LMO3: variants seen among roughly 807,000 people sequenced by gnomAD.
LMO3 encodes the protein LIM domain only 3, also known as LIM domain only protein 3.
A neutral mutation model predicts 15.8 loss-of-function variants in LMO3; 2 were observed. The ratio of observed to expected loss-of-function variants is 0.13; its 90% CI spans 0.05 to 0.40. The LOEUF is 0.40. Among genes scored for constraint, LMO3 ranks in the 10% least tolerant of loss-of-function variants. LMO3 has a pLI of 0.99. For missense variants in LMO3, 86 were observed against 182.2 expected (o/e 0.47, Z 3.04); for synonymous variants, 62 against 63.8 (o/e 0.97, Z 0.13).
At position 16,606,138 on chromosome 12, in the gene LMO3, G is replaced by T; in HGVS notation, c.-81C>A. On this transcript the variant is annotated 5_prime_UTR_variant, in exon 1 of 4. Transcript: ENST00000537304. ...GCTGCTTTGTAGCGCTTCTCCTTGG[G>T]AAAGGTCAAAAAGAAGCATTGTTTG... The T allele has an allele frequency of 1.8e-5, 4 of 227,270 alleles. No homozygotes were observed. The highest frequency in any genetic ancestry group is 8.5e-5 in the East Asian group (1 of 11,764). The allele number at this position is 227,270 out of a possible 1,614,324, so 14.1% of individuals were successfully genotyped here. A position where few individuals can be genotyped will look rare whatever the true frequency, so the allele number is the denominator to read the frequency against.
chr12:16,586,024 G>A lies in LMO3; in HGVS notation c.206+14631C>T, dbSNP rs907555717. Among the ~76,000 whole-genome samples the A allele has an allele frequency of 1.8e-4, 27 of 152,106 alleles. No homozygotes were observed. Among genetic ancestry groups the A allele is most frequent in the African/African-American group, 6.3e-4 (26 of 41,418 alleles). On this transcript the variant is annotated intron_variant, in intron 2 of 3. Transcript: ENST00000537304. This position sits in a 1 kb window ranked among gnomAD's most constrained non-coding sequence, Gnocchi z 4.3. The stretch of plus-strand genomic sequence containing the variant: ...TCCTTAGGACACTGATGTTTTTGCA[G>A]CTGTTAATGAAAATCTTCAACACAG...
chr12:16,551,244 C>T lies in LMO3; in HGVS notation c.416G>A (p.Gly139Asp). Reference protein sequence around the residue: ...TDYEEGLMKEGYAPQVR With the variant: ...TDYEEGLMKEDYAPQVR The stretch of plus-strand genomic sequence containing the variant: ...AGATCAGCGAACCTGGGGTGCATAA[C>T]CTTCTTTCATTAAACCTTCCTCGTA... The change falls in exon 4 of 4, where the codon GGT (glycine) becomes GAT (aspartate). Residue 139 changes from glycine (G) to aspartate (D), a missense_variant. This residue lies in a region of LMO3 where 19 missense variants were observed against 20.0 expected (regional missense o/e 0.95). Coordinates refer to ENST00000537304, the MANE Select transcript of LMO3 (RefSeq NM_018640.5). 6.2e-7 allele frequency: 1 copy of T among 1,611,182 alleles called. No homozygotes were observed. The highest frequency in any genetic ancestry group is 8.5e-7 in the Non-Finnish European group (1 of 1,177,402).
Position 16,589,935 on chromosome 12 carries a change from T to C in LMO3, c.206+10720A>G, listed in dbSNP as rs1401932247. On this transcript the variant is annotated intron_variant, in intron 2 of 3. Transcript: ENST00000537304. The surrounding 1 kb of genome is among the most constrained non-coding windows in gnomAD (Gnocchi z 4.2). ...CGTCTAGCTTTCTGGGAAGTATGTG[T>C]TGGATTTTTTTGTGCATGAAGTATA... Among the ~76,000 whole-genome samples, 2 of 152,038 alleles carry C rather than the reference T, an allele frequency of 1.3e-5. No individual in the cohort carries two copies. Among genetic ancestry groups the C allele is most frequent in the Non-Finnish European group, 2.9e-5 (2 of 68,002 alleles).
Position 16,585,516 on chromosome 12 carries a change from A to C in LMO3, c.206+15139T>G, listed in dbSNP as rs1943291520. On this transcript the variant is annotated intron_variant, in intron 2 of 3. Coordinates refer to ENST00000537304, the MANE Select transcript of LMO3 (RefSeq NM_018640.5). This position sits in a 1 kb window ranked among gnomAD's most constrained non-coding sequence, Gnocchi z 4.7. ...TTCACCTAATTTTACATATAATTGC[A>C]GATTAGAAAACTAATTTCATCACAA... Among the ~76,000 whole-genome samples, 1 of 152,214 alleles carries C rather than the reference A, an allele frequency of 6.6e-6. No homozygotes were observed. Among genetic ancestry groups the C allele is most frequent in the South Asian group, 2.1e-4 (1 of 4,832 alleles).
intron 3 of LMO3, among the ~76,000 whole-genome samples, chr12:16,554,957 CGGCCAG>C: frequency 6.6e-6 from 1 of 152,320 alleles, no homozygotes; most frequent in South Asian, 2.1e-4. Context: ...CCACCGCGCC[CGGCCAG>C]GTTTAAATCT....
chr12:16,606,216 AT>A (rs1943996856), upstream of LMO3: 1 of 191,622 alleles, frequency 5.2e-6, no homozygotes, highest in African/African-American at 2.4e-5. Context: ...TAAGTTTAAA[AT>A]AATGAGGTCC....
At position 16,584,020 on chromosome 12, in the gene LMO3, T is replaced by G. The variant is rs967988086; in HGVS notation, c.206+16635A>C. On this transcript the variant is annotated intron_variant, in intron 2 of 3. Transcript: ENST00000537304. The surrounding 1 kb of genome is among the most constrained non-coding windows in gnomAD (Gnocchi z 5.2). ...ATACTTTTCCATAAGGAAAAGACAC[T>G]GTATATAATTCTGGGATGGCAGGCT... Among the ~76,000 whole-genome samples, 3 of 152,178 alleles carry G rather than the reference T, an allele frequency of 2.0e-5. No homozygotes were observed. The East Asian group carries it at 5.8e-4, about 29-fold the overall frequency.
At position 16,567,068 on chromosome 12, in the gene LMO3, C is replaced by A. The variant is rs986636038; in HGVS notation, c.207-6530G>T. ...AAAATTAGCTGGGTGTGTTGGCAGG[C>A]GCCTGTATTTCCAGCTACTCAGGAG... On this transcript the variant is annotated intron_variant, in intron 2 of 3. Transcript: ENST00000537304. 2.6e-5 allele frequency among the ~76,000 whole-genome samples: 4 copies of A among 152,170 alleles called. No homozygotes were observed. In the East Asian group the frequency reaches 7.7e-4, roughly 29 times the overall value.
In LMO3 at chr12:16,600,741, A is replaced by G. The variant is rs762252359; in HGVS notation, c.120T>C (p.Cys40=). Residue 40 remains cysteine, a synonymous_variant, in exon 2 of 4, where the codon TGT becomes TGC. Coordinates refer to ENST00000537304, the MANE Select transcript of LMO3 (RefSeq NM_018640.5). The part of the protein sequence containing the change: ...DKYWHEDCLK[C]ACCDCRLGEV... ...CTCCCAAGCGACAGTCACAGCAGGC[A>G]CACTTCAGGCAGTCTTCATGCCAGT... The G allele has an allele frequency of 6.2e-7, 1 of 1,614,194 alleles. No individual in the cohort carries two copies. Among genetic ancestry groups the G allele is most frequent in the East Asian group, 2.2e-5 (1 of 44,878 alleles).
At position 16,582,015 on chromosome 12, in the gene LMO3, A is replaced by T. The variant is rs1430825820; in HGVS notation, c.206+18640T>A. Among the ~76,000 whole-genome samples, 1 of 152,076 alleles carries T rather than the reference A, an allele frequency of 6.6e-6. No individual in the cohort carries two copies. The highest frequency in any genetic ancestry group is 6.6e-5 in the Admixed American group (1 of 15,264). On this transcript the variant is annotated intron_variant, in intron 2 of 3. Transcript: ENST00000537304. This position sits in a 1 kb window ranked among gnomAD's most constrained non-coding sequence, Gnocchi z 4.1. ...TTTCTTATCTTATTACATTGGCTAG[A>T]CCCTTTAAAACATTAAATATGAGGG...
At chr12:16,556,497 T>C (rs947799629) in intron 3 of LMO3, among the ~76,000 whole-genome samples, 15 of 152,340 alleles carry the variant, frequency 9.8e-5, no homozygotes, top group African/African-American at 3.1e-4. Context: ...TGGATCTTAA[T>C]GATACTTTGA....
chr12:16,554,981 A>T (rs899827686), intron 3 of LMO3, among the ~76,000 whole-genome samples: 28 of 152,174 alleles, frequency 1.8e-4, no homozygotes, highest in African/African-American at 6.3e-4. Context: ...TCTTGAGTCT[A>T]CCACTTTCTT....
intron 2 of LMO3, among the ~76,000 whole-genome samples, chr12:16,578,739 A>G (rs1200076547): frequency 6.6e-6 from 1 of 151,872 alleles, no homozygotes; most frequent in Non-Finnish European, 1.5e-5. Flanking sequence ...AATTCCTTGA[A>G]CCTGGGAGGC....
At position 16,550,041 on chromosome 12, in the gene LMO3, A is replaced by G. The variant is rs534121732; in HGVS notation, c.*1181T>C. ...AAATGTCAGGTAAATACAGAAAAAT[A>G]TATAATCACTAGTTCTCAGCATTTT... On this transcript the variant is annotated 3_prime_UTR_variant, in exon 4 of 4. Coordinates refer to ENST00000537304, the MANE Select transcript of LMO3 (RefSeq NM_018640.5). 32 of 152,158 alleles carry G rather than the reference A, an allele frequency of 2.1e-4. No homozygotes were observed. Among genetic ancestry groups the G allele is most frequent in the Admixed American group, 5.2e-4 (8 of 15,284 alleles). The allele number at this position is 152,158 out of a possible 1,614,324, so 9.4% of individuals were successfully genotyped here. A position where few individuals can be genotyped will look rare whatever the true frequency, so the allele number is the denominator to read the frequency against.
intron 2 of LMO3, chr12:16,594,022 T>G (rs1335660575): frequency 1.2e-6 from 1 of 838,300 alleles, no homozygotes; most frequent in Non-Finnish European, 1.7e-6. Flanking sequence ...TTATAAAAGT[T>G]GTCCTACATG....
intron 1 of LMO3, among the ~76,000 whole-genome samples, chr12:16,601,205 G>A (rs1178839965): frequency 1.3e-5 from 2 of 152,266 alleles, no homozygotes; most frequent in Non-Finnish European, 1.5e-5. Context: ...GAAAGAAAAT[G>A]TGAGTAAATA....
chr12:16,578,829 AC>A (rs2137516613), intron 2 of LMO3, among the ~76,000 whole-genome samples: 1 of 137,710 alleles, frequency 7.3e-6, no homozygotes, highest in East Asian at 1.9e-4. Context: ...AACAACAACA[AC>A]AACAACAACA....
At chr12:16,573,045 T>C (rs933827149) in intron 2 of LMO3, among the ~76,000 whole-genome samples, 2 of 152,038 alleles carry the variant, frequency 1.3e-5, no homozygotes, top group African/African-American at 4.8e-5. Flanking sequence ...TGTGTTTCTC[T>C]ATCCAGATAC....
chr12:16,600,942 A>G lies in LMO3; in HGVS notation c.-8-74T>C, dbSNP rs1402638355. The G allele has an allele frequency of 1.2e-5, 13 of 1,067,448 alleles. No individual in the cohort carries two copies. In the Admixed American group the frequency reaches 2.3e-4, roughly 19 times the overall value. The allele number at this position is 1,067,448 out of a possible 1,614,324, so 66.1% of individuals were successfully genotyped here. A position where few individuals can be genotyped will look rare whatever the true frequency, so the allele number is the denominator to read the frequency against. On this transcript the variant is annotated intron_variant, in intron 1 of 3. Transcript: ENST00000537304. The stretch of plus-strand genomic sequence containing the variant: ...TAAAAAGACCTCAAACAAGTTAAAT[A>G]TTTAATATTTCCTTATTCTAGGAGT...
Sources: gnomAD v4.1 joint callset for allele counts (sites outside exome capture counted in the v4.1 genomes callset) on GRCh38, gnomAD v4.1.1 for gene constraint, gnomAD v4.1.1 regional missense constraint, Gnocchi (gnomAD v3.1) non-coding constraint, MANE v1.5 for transcripts, NCBI Gene and HGNC (gene_info 2026-07-23, HGNC 2026-07-21) for gene names.